Variants in AMBRA1 observed in about 807,000 individuals in gnomAD.
AMBRA1 encodes activating molecule in BECN1-regulated autophagy protein 1.
Under a neutral mutation model 125.4 loss-of-function variants are expected in AMBRA1, and 47 were observed. The ratio of observed to expected loss-of-function variants is 0.37; its 90% CI spans 0.30 to 0.48. AMBRA1 has a LOEUF of 0.48. Among genes scored for constraint, AMBRA1 ranks in the 20% least tolerant of loss-of-function variants. The probability of loss-of-function intolerance (pLI) is 0.99; values close to 1 mark genes in which losing one functional copy is unlikely to be tolerated. For synonymous variants in AMBRA1, 626 were observed against 655.5 expected, an observed-to-expected ratio of 0.95 and a Z score of 0.69; for missense variants, 1,331 against 1,693.4, an observed-to-expected ratio of 0.79 and a Z score of 3.76.
Position 46,455,969 on chromosome 11 carries a change from C to G in AMBRA1, c.2522-12371G>C, listed in dbSNP as rs145601940. On this transcript the variant is annotated intron_variant, in intron 11 of 17. Transcript: ENST00000683756. ...GGTGAGGCCTGTTTTTATCACCATG[C>G]TATAGACTTGCCCTCCCTCCTTCAA... Among the ~76,000 whole-genome samples the G allele has an allele frequency of 2.4e-3, 362 of 152,246 alleles. 4 individuals carry two copies. Among genetic ancestry groups the G allele is most frequent in the East Asian group, 0.016 (82 of 5,178 alleles).
intron 14 of AMBRA1, among the ~76,000 whole-genome samples, chr11:46,425,232 CT>C (rs1413719478): frequency 6.6e-6 from 1 of 151,976 alleles, no homozygotes; most frequent in African/African-American, 2.4e-5. Flanking sequence ...CTTTCTACAT[CT>C]CAAAGGAAAT....
At chr11:46,413,282 T>C (rs1471493201) in intron 15 of AMBRA1, among the ~76,000 whole-genome samples, 1 of 152,190 alleles carries the variant, frequency 6.6e-6, no homozygotes, top group African/African-American at 2.4e-5. Context: ...CTGTCTCAGA[T>C]GTGTTGCTCC....
chr11:46,558,452 G>C (rs1005155680), intron 1 of AMBRA1, among the ~76,000 whole-genome samples: 15 of 150,240 alleles, frequency 1.0e-4, no homozygotes, highest in African/African-American at 3.7e-4. Context: ...AGGAGGCTGA[G>C]GTAGGAGAAT....
At chr11:46,583,321 C>T (rs1432588985) in intron 1 of AMBRA1, among the ~76,000 whole-genome samples, 3 of 151,596 alleles carry the variant, frequency 2.0e-5, no homozygotes, top group Middle Eastern at 3.4e-3. Flanking sequence ...AAACTGGATC[C>T]CTTCCTTACA....
intron 1 of AMBRA1, among the ~76,000 whole-genome samples, chr11:46,559,717 TAATA>T (rs1327281810): frequency 6.6e-6 from 1 of 152,186 alleles, no homozygotes; most frequent in Non-Finnish European, 1.5e-5. Flanking sequence ...ATCAGTGATT[TAATA>T]AATAAAGATA....
intron 14 of AMBRA1, among the ~76,000 whole-genome samples, chr11:46,429,988 G>T (rs1947376191): frequency 6.6e-6 from 1 of 152,084 alleles, no homozygotes; most frequent in South Asian, 2.1e-4. Context: ...AATGGACAGT[G>T]GGAAGGGAGA....
chr11:46,580,547 G>A (rs1049351299), intron 1 of AMBRA1, among the ~76,000 whole-genome samples: 1 of 152,180 alleles, frequency 6.6e-6, no homozygotes, highest in African/African-American at 2.4e-5. Flanking sequence ...AGATGCTCAG[G>A]CCAAAAATCT....
At chr11:46,484,686 G>A (rs527604770) in intron 11 of AMBRA1, among the ~76,000 whole-genome samples, 19 of 148,840 alleles carry the variant, frequency 1.3e-4, no homozygotes, top group Admixed American at 5.4e-4. Context: ...TCACTCTGTC[G>A]CCCAGGCTGG....
At chr11:46,485,797 GTATTTT>G (rs999142182) in intron 11 of AMBRA1, among the ~76,000 whole-genome samples, 4 of 152,188 alleles carry the variant, frequency 2.6e-5, no homozygotes, top group African/African-American at 9.7e-5. Context: ...ACAAGGCCCA[GTATTTT>G]TCCCTAGAAA....
At chr11:46,430,685 A>C (rs1029616076) in intron 14 of AMBRA1, among the ~76,000 whole-genome samples, 1 of 152,190 alleles carries the variant, frequency 6.6e-6, no homozygotes, top group African/African-American at 2.4e-5. Context: ...AAATAAATCA[A>C]TGCTCTGGAG....
At chr11:46,587,043 T>C (rs2044427458) in intron 1 of AMBRA1, among the ~76,000 whole-genome samples, 1 of 152,212 alleles carries the variant, frequency 6.6e-6, no homozygotes, top group South Asian at 2.1e-4. Flanking sequence ...AAATAAGTGA[T>C]GAAATCATGA....
At chr11:46,399,518 C>G (rs1410449271) in intron 17 of AMBRA1, among the ~76,000 whole-genome samples, 1 of 152,144 alleles carries the variant, frequency 6.6e-6, no homozygotes, top group Non-Finnish European at 1.5e-5. Context: ...AGGCTCCCAC[C>G]ACACCTGGCT....
chr11:46,459,733 TACACATAC>T (rs1467568093), intron 11 of AMBRA1, among the ~76,000 whole-genome samples: 6 of 115,530 alleles, frequency 5.2e-5, no homozygotes, highest in East Asian at 2.4e-4. Context: ...AAAAAAAAAA[TACACATAC>T]ACACACACAC....
rs142425575 is a variant in AMBRA1 at position 46,397,662 on chromosome 11, G to A, written c.3685C>T (p.Arg1229Trp). 3.9e-5 allele frequency: 63 copies of A among 1,612,914 alleles called. No individual in the cohort carries two copies. The highest frequency in any genetic ancestry group is 1.6e-4 in the Middle Eastern group (1 of 6,070). Residue 1229 changes from arginine to tryptophan, a missense_variant, in exon 18 of 18, where the codon CGG (arginine) becomes TGG (tryptophan). Transcript: ENST00000683756. ...GQLAERGLSPRTASWDQPGTP... is the reference protein window; with the variant it reads ...GQLAERGLSPWTASWDQPGTP... ...CCAGGCTGGTCCCAGGAAGCTGTCCGGGGGCTTAGGCCTCGCTCTGCCAGT... is the reference window on the plus strand; with the variant it reads ...CCAGGCTGGTCCCAGGAAGCTGTCCAGGGGCTTAGGCCTCGCTCTGCCAGT...
intron 7 of AMBRA1, among the ~76,000 whole-genome samples, chr11:46,535,586 T>C (rs960254411): frequency 1.3e-5 from 2 of 152,020 alleles, no homozygotes; most frequent in Admixed American, 1.3e-4. Flanking sequence ...TTGAACTAAA[T>C]CAAGACCAAG....
At chr11:46,435,591 C>G (rs143408711) in intron 12 of AMBRA1, among the ~76,000 whole-genome samples, 2 of 152,322 alleles carry the variant, frequency 1.3e-5, no homozygotes, top group East Asian at 3.9e-4. Context: ...GGAACAGCTC[C>G]TTGCTAATAC....
At chr11:46,467,916 G>A (rs891049265) in intron 11 of AMBRA1, among the ~76,000 whole-genome samples, 1 of 152,126 alleles carries the variant, frequency 6.6e-6, no homozygotes, top group African/African-American at 2.4e-5. Context: ...GCCACATACT[G>A]GCAAGTATTT....
At chr11:46,436,452 C>G (rs1482248326) in intron 12 of AMBRA1, among the ~76,000 whole-genome samples, 1 of 152,166 alleles carries the variant, frequency 6.6e-6, no homozygotes, top group Non-Finnish European at 1.5e-5. Context: ...CGAAGAGGGA[C>G]CACAAGGATG....
At position 46,562,945 on chromosome 11, in the gene AMBRA1, C is replaced by T. The variant is rs546889745; in HGVS notation, c.-120-14445G>A. Among the ~76,000 whole-genome samples, 122 of 152,066 alleles carry T rather than the reference C, an allele frequency of 8.0e-4. 1 individual carries two copies. The highest frequency in any genetic ancestry group is 2.9e-3 in the African/African-American group (119 of 41,474). ...CCTCCTGAGTAGCTGGGATTACAGG[C>T]ACATGCCACCACACCTAATTTTTTA... is the stretch of plus-strand genomic sequence containing the variant. On this transcript the variant is annotated intron_variant, in intron 1 of 17. Coordinates refer to ENST00000683756, the MANE Select transcript of AMBRA1 (RefSeq NM_001387011.1).
Sources: gnomAD v4.1 joint callset for allele counts (sites outside exome capture counted in the v4.1 genomes callset) on GRCh38, gnomAD v4.1.1 for gene constraint, MANE v1.5 for transcripts, NCBI Gene and HGNC (gene_info 2026-07-23, HGNC 2026-07-21) for gene names.